The following HFE variants were observed in gnomAD, a reference collection of about 807,000 sequenced individuals.
HFE encodes hereditary hemochromatosis protein.
HFE carries 36 observed loss-of-function variants against 40.9 expected under a neutral mutation model. The ratio of observed to expected loss-of-function variants is 0.88; its 90% CI spans 0.67 to 1.16. The LOEUF (loss-of-function observed/expected upper bound fraction) is 1.16, where lower values mean the gene tolerates loss of function less well. Ranked by LOEUF, HFE falls within the 50% of genes most tolerant of loss-of-function variation. The probability of loss-of-function intolerance (pLI) is 0.00; values close to 1 mark genes in which losing one functional copy is unlikely to be tolerated. For synonymous variants in HFE, 157 were observed against 165.4 expected (o/e 0.95, Z 0.39); for missense variants, 376 against 432.0 (o/e 0.87, Z 1.15).
intron 1 of HFE, 149 bp downstream of exon 1, chr6:26,087,665 C>T (rs753365257): frequency 3.4e-5 from 23 of 678,978 alleles, no homozygotes; most frequent in Non-Finnish European, 5.3e-5. Context: ...TGCGTCCAGA[C>T]CCCGTGAGGG....
In HFE at chr6:26,095,742, C is replaced by A. The variant is rs1432904168; in HGVS notation, c.*1516C>A. On this transcript the variant is annotated 3_prime_UTR_variant, in exon 6 of 6. Transcript: ENST00000357618. The stretch of plus-strand genomic sequence containing the variant: ...CATGAAGGGGAACAGCAGAAAACAA[C>A]CAACTGATCCTCAGCTGTCATGTTT... 6.6e-6 allele frequency: 1 copy of A among 152,176 alleles called. No individual in the cohort carries two copies. The highest frequency in any genetic ancestry group is 1.9e-4 in the East Asian group (1 of 5,188). 9.4% of individuals were successfully genotyped at this position (152,176 alleles called of 1,614,324 possible). A position where few individuals can be genotyped will look rare whatever the true frequency, so the allele number is the denominator to read the frequency against.
rs1171886237 is a variant in HFE, at chr6:26,095,979, G to A, written c.*1753G>A. On this transcript the variant is annotated 3_prime_UTR_variant, in exon 6 of 6. Coordinates refer to ENST00000357618, the MANE Select transcript of HFE (RefSeq NM_000410.4). ...TATTTCCCTCAATGAAGTGGAGTAAGCTCTCTCATTTTGAGATGGTATAAT... is the reference window on the plus strand; with the variant it reads ...TATTTCCCTCAATGAAGTGGAGTAAACTCTCTCATTTTGAGATGGTATAAT... The A allele has an allele frequency of 6.5e-6, 1 of 152,944 alleles. No individual in the cohort carries two copies. The highest frequency in any genetic ancestry group is 1.5e-5 in the Non-Finnish European group (1 of 68,724). The allele number at this position is 152,944 out of a possible 1,614,324, so 9.5% of individuals were successfully genotyped here.
rs1345032097 is a variant in HFE, at chr6:26,092,761, C to T, written c.693C>T (p.Tyr231=). 1 of 1,614,194 alleles carries T rather than the reference C, an allele frequency of 6.2e-7. No homozygotes were observed. ...TTLRCRALNY[Y]PQNITMKWLK... is the part of the protein sequence containing the mutation. ...TACGGTGTCGGGCCTTGAACTACTA[C>T]CCCCAGAACATCACCATGAAGTGGC... The change falls in exon 4 of 6, where the codon TAC becomes TAT. Residue 231 remains tyrosine (Y), a synonymous_variant. Transcript: ENST00000357618.
rs1763058150 is a variant in HFE at position 26,096,762 on chromosome 6, C to G, written c.*2536C>G. 1 of 366,692 alleles carries G rather than the reference C, an allele frequency of 2.7e-6. No individual in the cohort carries two copies. Among genetic ancestry groups the G allele is most frequent in the Non-Finnish European group, 5.3e-6 (1 of 189,764 alleles). 22.7% of individuals were successfully genotyped at this position (366,692 alleles called of 1,614,324 possible). A position where few individuals can be genotyped will look rare whatever the true frequency, so the allele number is the denominator to read the frequency against. ...CAGTGAAAAACTATTAACAACTTGTCTATTACCTGTTAGTATTATTGTTGC... is the reference window on the plus strand; with the variant it reads ...CAGTGAAAAACTATTAACAACTTGTGTATTACCTGTTAGTATTATTGTTGC... On this transcript the variant is annotated 3_prime_UTR_variant, in exon 6 of 6. Transcript: ENST00000357618.
intron 1 of HFE, among the ~76,000 whole-genome samples, chr6:26,090,452 A>AAAAAAAAC (rs1438259295): frequency 4.0e-5 from 6 of 149,364 alleles, no homozygotes; most frequent in African/African-American, 1.5e-4. Context: ...CAAAAAAAAA[A>AAAAAAAAC]AAAAAAAAAA....
At chr6:26,089,793 G>A (rs1353131275) in intron 1 of HFE, among the ~76,000 whole-genome samples, 1 of 151,970 alleles carries the variant, frequency 6.6e-6, no homozygotes, top group Non-Finnish European at 1.5e-5. Flanking sequence ...TGGGTGTGGT[G>A]GCATGCACCT....
chr6:26,092,427 T>C (rs1252690206), intron 3 of HFE, among the ~76,000 whole-genome samples: 1 of 152,112 alleles, frequency 6.6e-6, no homozygotes, highest in East Asian at 1.9e-4. Flanking sequence ...TAAAGGGCAA[T>C]TTTATCTATC....
In HFE at chr6:26,096,243, C is replaced by T. The variant is rs948844585; in HGVS notation, c.*2017C>T. ...CTGCCTCCCAGGTTCAAGCGATTCT[C>T]CTGTCTCAGCCTCCCAAGTAGCTGG... is the stretch of plus-strand genomic sequence containing the variant. On this transcript the variant is annotated 3_prime_UTR_variant, in exon 6 of 6. Transcript: ENST00000357618. 4 of 284,020 alleles carry T rather than the reference C, an allele frequency of 1.4e-5. No individual in the cohort carries two copies. The highest frequency in any genetic ancestry group is 9.7e-5 in the Admixed American group (2 of 20,530). The allele number at this position is 284,020 out of a possible 1,614,324, so 17.6% of individuals were successfully genotyped here. A position where few individuals can be genotyped will look rare whatever the true frequency, so the allele number is the denominator to read the frequency against.
Position 26,091,030 on chromosome 6 carries a change from A to G in HFE, c.266A>G (p.Gln89Arg), listed in dbSNP as rs1455782766. Residue 89 changes from glutamine (Q) to arginine (R), a missense_variant, in exon 2 of 6, where the codon CAG becomes CGG. By Grantham distance (43) the Gln-to-Arg change is conservative. This residue lies in a region of HFE where 200 missense variants were observed against 228.5 expected (regional missense o/e 0.88). Coordinates refer to ENST00000357618, the MANE Select transcript of HFE (RefSeq NM_000410.4). Reference sequence around the variant, plus strand: ...AGCCAGATGTGGCTGCAGCTGAGTCAGAGTCTGAAAGGGTGGGATCACATG... The same window carrying G: ...AGCCAGATGTGGCTGCAGCTGAGTCGGAGTCTGAAAGGGTGGGATCACATG... ...ISSQMWLQLS[Q>R]SLKGWDHMFT... 1.2e-6 allele frequency: 2 copies of G among 1,614,206 alleles called. No homozygotes were observed. Among genetic ancestry groups the G allele is most frequent in the South Asian group, 2.2e-5 (2 of 91,082 alleles).
Position 26,087,467 on chromosome 6 carries a change from T to A in HFE, c.27T>A (p.Leu9=), listed in dbSNP as rs763602445. The part of the protein sequence containing the change: MGPRARPA[L]LLLMLLQTAV... ...TGGGCCCGCGAGCCAGGCCGGCGCTTCTCCTCCTGATGCTTTTGCAGACCG... is the reference window on the plus strand; with the variant it reads ...TGGGCCCGCGAGCCAGGCCGGCGCTACTCCTCCTGATGCTTTTGCAGACCG... The change falls in exon 1 of 6, where the codon CTT becomes CTA. Residue 9 remains leucine, a synonymous_variant. Coordinates refer to ENST00000357618, the MANE Select transcript of HFE (RefSeq NM_000410.4). 4.3e-6 allele frequency: 7 copies of A among 1,613,924 alleles called. No homozygotes were observed. In the African/African-American group the frequency reaches 6.7e-5, roughly 15 times the overall value.
At chr6:26,093,268 C>CTTCCCACTG in intron 5 of HFE, 36 bp downstream of exon 5, 1 of 1,428,748 alleles carries the variant, frequency 7.0e-7, no homozygotes, top group Non-Finnish European at 9.9e-7. Context: ...CTTAGTACCT[C>CTTCCCACTG]TGCCCCAGGG....
Position 26,094,173 on chromosome 6 carries a change from C to A in HFE, c.1007-13C>A. On this transcript the variant is annotated splice_polypyrimidine_tract_variant and intron_variant, in intron 5 of 5. Coordinates refer to ENST00000357618, the MANE Select transcript of HFE (RefSeq NM_000410.4). ...TTTGTGATGCCTCTTTCCTGGGTCT[C>A]TTGTCTCCACAGGAGGAGCCATGGG... 6.2e-7 allele frequency: 1 copy of A among 1,613,636 alleles called. No homozygotes were observed. Among genetic ancestry groups the A allele is most frequent in the Non-Finnish European group, 8.5e-7 (1 of 1,179,842 alleles).
At position 26,091,318 on chromosome 6, in the gene HFE, C is replaced by T; in HGVS notation, c.345C>T (p.Ser115=). 1 of 1,614,092 alleles carries T rather than the reference C, an allele frequency of 6.2e-7. No individual in the cohort carries two copies. Among genetic ancestry groups the T allele is most frequent in the African/African-American group, 1.3e-5 (1 of 75,020 alleles). Reference sequence around the variant, plus strand: ...CAAGGCTGGGGATTTTTCCAGAGTCCCACACCCTGCAGGTCATCCTGGGCT... The same window carrying T: ...CAAGGCTGGGGATTTTTCCAGAGTCTCACACCCTGCAGGTCATCCTGGGCT... ...IMENHNHSKE[S]HTLQVILGCE... The change falls in exon 3 of 6, where the codon TCC becomes TCT. Residue 115 remains serine, a synonymous_variant. Transcript: ENST00000357618.
chr6:26,090,471 A>AAAAC (rs1762616116), intron 1 of HFE, among the ~76,000 whole-genome samples: 6 of 144,604 alleles, frequency 4.1e-5, no homozygotes, highest in Admixed American at 6.9e-5. Flanking sequence ...AAAAAAAAAA[A>AAAAC]CTGAAGGAAT....
intron 1 of HFE, among the ~76,000 whole-genome samples, chr6:26,088,226 C>G (rs557636189): frequency 2.0e-5 from 3 of 152,144 alleles, no homozygotes; most frequent in Non-Finnish European, 4.4e-5. Flanking sequence ...TTCGGCTAGG[C>G]TTTATTGATT....
chr6:26,092,421 G>C (rs965075086), intron 3 of HFE, among the ~76,000 whole-genome samples: 1 of 152,042 alleles, frequency 6.6e-6, no homozygotes, highest in Non-Finnish European at 1.5e-5. Flanking sequence ...TGCACATAAA[G>C]GGCAATTTTA....
Position 26,091,100 on chromosome 6 carries a change from C to T in HFE, c.336C>T (p.Ser112=), listed in dbSNP as rs771828614. The T allele has an allele frequency of 1.9e-6, 3 of 1,614,164 alleles. No individual in the cohort carries two copies. Residue 112 remains serine, a synonymous_variant, in exon 2 of 6, where the codon AGC becomes AGT. Coordinates refer to ENST00000357618, the MANE Select transcript of HFE (RefSeq NM_000410.4). ...CTATTATGGAAAATCACAACCACAG[C>T]AAGGGTATGTGGAGAGGGGGCCTCA... ...FWTIMENHNH[S]KESHTLQVIL...
At position 26,094,258 on chromosome 6, in the gene HFE, G is replaced by T. The variant is rs770370509; in HGVS notation, c.*32G>T. The stretch of plus-strand genomic sequence containing the variant: ...GCCTGCAGACTCACTGTGGGAAGGA[G>T]ACAAAACTAGAGACTCAAAGAGGGA... On this transcript the variant is annotated 3_prime_UTR_variant, in exon 6 of 6. Coordinates refer to ENST00000357618, the MANE Select transcript of HFE (RefSeq NM_000410.4). The T allele has an allele frequency of 6.2e-7, 1 of 1,603,860 alleles. No individual in the cohort carries two copies. The highest frequency in any genetic ancestry group is 8.5e-7 in the Non-Finnish European group (1 of 1,170,810).
At position 26,091,116 on chromosome 6, in the gene HFE, G is replaced by A. The variant is rs1008111365; in HGVS notation, c.340+12G>A. The A allele has an allele frequency of 2.5e-6, 4 of 1,614,066 alleles. No homozygotes were observed. The highest frequency in any genetic ancestry group is 1.3e-5 in the African/African-American group (1 of 75,036). ...CAACCACAGCAAGGGTATGTGGAGA[G>A]GGGGCCTCACCTTCCTGAGGTTGTC... On this transcript the variant is annotated intron_variant, in intron 2 of 5. Transcript: ENST00000357618.
Sources: gnomAD v4.1 joint callset for allele counts (sites outside exome capture counted in the v4.1 genomes callset) on GRCh38, gnomAD v4.1.1 for gene constraint, gnomAD v4.1.1 regional missense constraint, MANE v1.5 for transcripts, NCBI Gene and HGNC (gene_info 2026-07-23, HGNC 2026-07-21) for gene names.